SPICE1: variants seen among roughly 807,000 people sequenced by gnomAD.
SPICE1 encodes the protein spindle and centriole associated protein 1.
A neutral mutation model predicts 102.7 loss-of-function variants in SPICE1; 75 were observed. The observed-to-expected ratio is 0.73, with a 90% CI of 0.61 to 0.88. The LOEUF is 0.88. Among genes scored for constraint, SPICE1 ranks in the 40% least tolerant of loss-of-function variants. The probability of loss-of-function intolerance (pLI) is 0.00; values close to 1 mark genes in which losing one functional copy is unlikely to be tolerated. For synonymous variants in SPICE1, 308 were observed against 350.3 expected (o/e 0.88, Z 1.35); for missense variants, 979 against 1,020.1 (o/e 0.96, Z 0.55).
chr3:113,454,061 G>T, intron 13 of SPICE1, 111 bp from the exon 14 acceptor site: 1 of 1,062,746 alleles, frequency 9.4e-7, no homozygotes, highest in Non-Finnish European at 1.3e-6. Context: ...CAGTAGAAGG[G>T]TTTGGCTTCT....
At chr3:113,514,383 T>A in intron 1 of SPICE1, 2 of 316,396 alleles carry the variant, frequency 6.3e-6, no homozygotes, top group South Asian at 5.1e-5. Flanking sequence ...AATACATGGA[T>A]AGAGAATAGA....
chr3:113,496,331 T>A (rs1480640667), intron 4 of SPICE1, among the ~76,000 whole-genome samples: 4 of 152,132 alleles, frequency 2.6e-5, no homozygotes, highest in African/African-American at 9.7e-5. Flanking sequence ...TAACTCTATC[T>A]ATTACTCCTC....
chr3:113,444,824 A>T lies in SPICE1; in HGVS notation c.*483T>A, dbSNP rs1207188387. The T allele has an allele frequency of 6.6e-6, 1 of 152,482 alleles. No individual in the cohort carries two copies. Among genetic ancestry groups the T allele is most frequent in the Non-Finnish European group, 1.5e-5 (1 of 68,240 alleles). The allele number at this position is 152,482 out of a possible 1,614,324, so 9.4% of individuals were successfully genotyped here. A position where few individuals can be genotyped will look rare whatever the true frequency, so the allele number is the denominator to read the frequency against. On this transcript the variant is annotated 3_prime_UTR_variant, in exon 18 of 18. Coordinates refer to ENST00000295872, the MANE Select transcript of SPICE1 (RefSeq NM_144718.4). ...TCACTTGATGGAAAAAGTGATGAAC[A>T]GCAATGACTTCCCAAGAAAAAAGAA...
intron 6 of SPICE1, among the ~76,000 whole-genome samples, chr3:113,492,251 T>C (rs1275162893): frequency 1.3e-5 from 2 of 152,186 alleles, no homozygotes; most frequent in Admixed American, 1.3e-4. Context: ...TATGAAACAA[T>C]ATAATTAATA....
chr3:113,499,592 A>C lies in SPICE1; in HGVS notation c.148-10T>G. Reference sequence around the variant, plus strand: ...TTTCATGACGGCGTACCTATACAGAAGAGAAAAGTACATAAAGGAATGTTT... The same window carrying C: ...TTTCATGACGGCGTACCTATACAGACGAGAAAAGTACATAAAGGAATGTTT... On this transcript the variant is annotated splice_polypyrimidine_tract_variant and intron_variant, in intron 3 of 17. Transcript: ENST00000295872. 1 of 1,586,020 alleles carries C rather than the reference A, an allele frequency of 6.3e-7. No homozygotes were observed. The highest frequency in any genetic ancestry group is 8.6e-7 in the Non-Finnish European group (1 of 1,167,936).
At chr3:113,499,849 T>C (rs1324705592) in intron 3 of SPICE1, among the ~76,000 whole-genome samples, 1 of 152,192 alleles carries the variant, frequency 6.6e-6, no homozygotes, top group Non-Finnish European at 1.5e-5. Context: ...TGCAAGACTA[T>C]CCAGCAAACT....
At chr3:113,483,160 A>T (rs910779440) in intron 7 of SPICE1, among the ~76,000 whole-genome samples, 3 of 151,952 alleles carry the variant, frequency 2.0e-5, no homozygotes, top group African/African-American at 7.2e-5. Flanking sequence ...TTATTCTCTT[A>T]GTAGCAATTG....
At chr3:113,478,578 T>C (rs1576635615) in intron 7 of SPICE1, among the ~76,000 whole-genome samples, 1 of 152,276 alleles carries the variant, frequency 6.6e-6, no homozygotes, top group African/African-American at 2.4e-5. Flanking sequence ...ATCACTTTTA[T>C]AAGAAAGGAA....
At chr3:113,491,213 A>G (rs1299484988) in intron 6 of SPICE1, among the ~76,000 whole-genome samples, 1 of 152,230 alleles carries the variant, frequency 6.6e-6, no homozygotes, top group Non-Finnish European at 1.5e-5. Flanking sequence ...GAAATATTAC[A>G]TGATGAATAA....
At chr3:113,496,718 A>G (rs2107498536) in intron 4 of SPICE1, among the ~76,000 whole-genome samples, 1 of 152,336 alleles carries the variant, frequency 6.6e-6, no homozygotes, top group East Asian at 1.9e-4. Flanking sequence ...GTTAGCTTTA[A>G]TACATAATGA....
intron 13 of SPICE1, among the ~76,000 whole-genome samples, chr3:113,455,899 T>C (rs995081399): frequency 1.3e-5 from 2 of 152,326 alleles, no homozygotes; most frequent in East Asian, 3.9e-4. Context: ...TTATTGTAAC[T>C]GAAGCCCTCT....
rs780314520 is a variant in SPICE1 at position 113,450,396 on chromosome 3, C to G, written c.2263G>C (p.Val755Leu). Residue 755 changes from valine (V) to leucine (L), a missense_variant, in exon 15 of 18, where the codon GTT (valine) becomes CTT (leucine). Transcript: ENST00000295872. ...ATTGGTGGAGAAAGATTCAAACCAA[C>G]AAGTTTCTGCTGCTCTATCAACTGC... The part of the protein sequence containing the change: ...LLQLIEQQKL[V>L]GLNLSPPMSP... 8 of 1,613,990 alleles carry G rather than the reference C, an allele frequency of 5.0e-6. No individual in the cohort carries two copies. In the African/African-American group the frequency reaches 5.3e-5, roughly 11 times the overall value.
At chr3:113,448,000 A>G in intron 16 of SPICE1, 38 bp downstream of exon 16, 2 of 1,313,514 alleles carry the variant, frequency 1.5e-6, no homozygotes, top group East Asian at 2.6e-5. Context: ...ATTCTTTTTG[A>G]TTTTTTTTTT....
In SPICE1 at chr3:113,457,196, C is replaced by G; in HGVS notation, c.1597G>C (p.Ala533Pro). The change falls in exon 13 of 18, where the codon GCT becomes CCT. Residue 533 changes from alanine to proline, a missense_variant. Coordinates refer to ENST00000295872, the MANE Select transcript of SPICE1 (RefSeq NM_144718.4). ...KNFPAHIFEP[A>P]VLLTPPRQKS... ...TGCCTGGGTGGTGTTAACAACACAG[C>G]TGGCTCAAAAATATGTGCTGGAAAA... 1 of 1,614,166 alleles carries G rather than the reference C, an allele frequency of 6.2e-7. No individual in the cohort carries two copies. Among genetic ancestry groups the G allele is most frequent in the Non-Finnish European group, 8.5e-7 (1 of 1,180,038 alleles).
chr3:113,500,449 G>A (rs1336463540), intron 3 of SPICE1, among the ~76,000 whole-genome samples: 1 of 151,948 alleles, frequency 6.6e-6, no homozygotes, highest in Non-Finnish European at 1.5e-5. Context: ...ATATGGGCTA[G>A]GTATTAGGTG....
intron 7 of SPICE1, among the ~76,000 whole-genome samples, chr3:113,473,991 A>G (rs141461408): frequency 6.6e-6 from 1 of 151,870 alleles, no homozygotes. Flanking sequence ...CACAGACTGG[A>G]AAATTGGATA....
At chr3:113,498,169 C>T (rs113966037) in intron 4 of SPICE1, among the ~76,000 whole-genome samples, 3 of 152,260 alleles carry the variant, frequency 2.0e-5, no homozygotes, top group Admixed American at 2.0e-4. Context: ...AGCTGCCACA[C>T]CCAGCTGTTA....
intron 7 of SPICE1, among the ~76,000 whole-genome samples, chr3:113,481,560 C>T (rs1205007840): frequency 1.3e-5 from 2 of 151,922 alleles, no homozygotes; most frequent in African/African-American, 2.4e-5. Flanking sequence ...CGCTATCCCT[C>T]CCCTAGCCCC....
chr3:113,488,058 TATA>T (rs1311762152), intron 7 of SPICE1, among the ~76,000 whole-genome samples: 3 of 152,214 alleles, frequency 2.0e-5, no homozygotes, highest in African/African-American at 7.2e-5. Context: ...GAAAACTAAA[TATA>T]ATAAGTGATT....
Sources: gnomAD v4.1 joint callset for allele counts (sites outside exome capture counted in the v4.1 genomes callset) on GRCh38, gnomAD v4.1.1 for gene constraint, MANE v1.5 for transcripts, NCBI Gene and HGNC (gene_info 2026-07-23, HGNC 2026-07-21) for gene names.